The following PARD3 variants were observed in gnomAD, a reference collection of about 807,000 sequenced individuals.
PARD3 encodes partitioning defective 3 homolog.
A neutral mutation model predicts 155.4 loss-of-function variants in PARD3; 75 were observed. The observed-to-expected ratio is 0.48, with a 90% CI of 0.40 to 0.58. The LOEUF is 0.58. Ranked by LOEUF, PARD3 falls within the 20% of genes least tolerant of loss-of-function variation. PARD3 has a pLI of 0.00. For missense variants in PARD3, 1,642 were observed against 1,721.7 expected, an observed-to-expected ratio of 0.95 and a Z score of 0.82; for synonymous variants, 576 against 610.5, an observed-to-expected ratio of 0.94 and a Z score of 0.83.
At chr10:34,161,528 G>A (rs539993579) in intron 22 of PARD3, among the ~76,000 whole-genome samples, 12 of 152,076 alleles carry the variant, frequency 7.9e-5, no homozygotes, top group Non-Finnish European at 1.2e-4. Context: ...GCCAAGACTG[G>A]TGGAAATCCC....
At chr10:34,460,280 G>A (rs1011900419) in intron 4 of PARD3, among the ~76,000 whole-genome samples, 27 of 152,124 alleles carry the variant, frequency 1.8e-4, no homozygotes, top group African/African-American at 4.8e-4. Context: ...TTTGAGTAAC[G>A]TCTATTGAAA....
intron 2 of PARD3, among the ~76,000 whole-genome samples, chr10:34,589,169 T>C (rs1389685652): frequency 1.3e-5 from 2 of 152,084 alleles, no homozygotes; most frequent in African/African-American, 4.8e-5. Flanking sequence ...TGAGTAGAAG[T>C]GAAATATTTT....
intron 22 of PARD3, among the ~76,000 whole-genome samples, chr10:34,226,894 A>T (rs55924133): frequency 6.6e-6 from 1 of 152,128 alleles, no homozygotes; most frequent in African/African-American, 2.4e-5. Context: ...AACTATTGAT[A>T]TATACAACAG....
At chr10:34,408,528 T>A (rs1844726519) in intron 5 of PARD3, among the ~76,000 whole-genome samples, 1 of 152,196 alleles carries the variant, frequency 6.6e-6, no homozygotes, top group African/African-American at 2.4e-5. Context: ...AAAGGGAATC[T>A]GTTTCCAAGT....
At chr10:34,319,091 T>C (rs1958209865) in intron 19 of PARD3, among the ~76,000 whole-genome samples, 1 of 148,272 alleles carries the variant, frequency 6.7e-6, no homozygotes, top group East Asian at 2.0e-4. Flanking sequence ...TTTTTTTTTT[T>C]TTTTTTTCTT....
intron 5 of PARD3, among the ~76,000 whole-genome samples, chr10:34,432,672 G>T (rs1184398461): frequency 2.0e-5 from 3 of 151,936 alleles, no homozygotes; most frequent in Non-Finnish European, 4.4e-5. Flanking sequence ...TTTTTATTAG[G>T]GACCACTTCC....
At chr10:34,325,065 A>G (rs1011988981) in intron 19 of PARD3, among the ~76,000 whole-genome samples, 5 of 152,030 alleles carry the variant, frequency 3.3e-5, no homozygotes, top group Non-Finnish European at 4.4e-5. Context: ...GCTGGAGTGT[A>G]GTGGCGTGAT....
chr10:34,503,916 A>G (rs2080875185), intron 3 of PARD3, among the ~76,000 whole-genome samples: 1 of 152,244 alleles, frequency 6.6e-6, no homozygotes, highest in Non-Finnish European at 1.5e-5. Context: ...TGCTCCTTTT[A>G]TAGAGTTATG....
intron 5 of PARD3, among the ~76,000 whole-genome samples, chr10:34,442,201 C>A (rs990261388): frequency 6.6e-6 from 1 of 152,152 alleles, no homozygotes; most frequent in African/African-American, 2.4e-5. Flanking sequence ...TTTGGATCCT[C>A]ATTGACTTCA....
intron 5 of PARD3, among the ~76,000 whole-genome samples, chr10:34,442,873 T>TAA (rs1439514273): frequency 1.3e-5 from 2 of 152,096 alleles, no homozygotes; most frequent in African/African-American, 4.8e-5. Context: ...CCCAGCCTCT[T>TAA]AAAGATTAAA....
At chr10:34,395,024 TAAAG>T (rs1335111147) in intron 7 of PARD3, among the ~76,000 whole-genome samples, 1 of 152,104 alleles carries the variant, frequency 6.6e-6, no homozygotes, top group Non-Finnish European at 1.5e-5. Context: ...GTGGTTTAAA[TAAAG>T]AGATTATCTT....
chr10:34,417,174 T>TTA (rs151194079), intron 5 of PARD3, among the ~76,000 whole-genome samples: 8,033 of 152,176 alleles, frequency 0.053, 704 homozygotes, highest in African/African-American at 0.18. Flanking sequence ...CTGACTTAAG[T>TTA]TATAACTCCA....
chr10:34,227,918 A>G (rs1409254963), intron 22 of PARD3, among the ~76,000 whole-genome samples: 1 of 133,702 alleles, frequency 7.5e-6, no homozygotes, highest in African/African-American at 2.8e-5. Flanking sequence ...AAATTTATAT[A>G]CCCAAAGGAA....
intron 21 of PARD3, among the ~76,000 whole-genome samples, chr10:34,279,463 G>A (rs1956061480): frequency 6.6e-6 from 1 of 152,096 alleles, no homozygotes; most frequent in East Asian, 1.9e-4. Flanking sequence ...AAGGATTCAC[G>A]AGGTCAAAGA....
intron 1 of PARD3, among the ~76,000 whole-genome samples, chr10:34,711,443 C>A (rs944538249): frequency 1.3e-5 from 2 of 152,144 alleles, no homozygotes; most frequent in Admixed American, 1.3e-4. Flanking sequence ...ATCCCTTGAA[C>A]CCAGGAGGTG....
Position 34,155,617 on chromosome 10 carries a change from TCA to T in PARD3, c.3420-24036_3420-24035del, listed in dbSNP as rs967865566. Among the ~76,000 whole-genome samples, 82 of 152,120 alleles carry T rather than the reference TCA, an allele frequency of 5.4e-4. 2 individuals carry two copies. The highest frequency in any genetic ancestry group is 2.0e-3 in the African/African-American group (81 of 41,534). ...ATGAACTTTTGGGCATTTTTGCTTTTCACAGCTTTTTTTTCTTTCATCATCTT... is the reference window on the plus strand; with the variant it reads ...ATGAACTTTTGGGCATTTTTGCTTTTCAGCTTTTTTTTCTTTCATCATCTT... On this transcript the variant is annotated intron_variant, in intron 22 of 24. Coordinates refer to ENST00000374788, the MANE Select transcript of PARD3 (RefSeq NM_001184785.2).
At position 34,722,361 on chromosome 10, in the gene PARD3, G is replaced by A. The variant is rs113950363; in HGVS notation, c.121-25942C>T. On this transcript the variant is annotated intron_variant, in intron 1 of 24. Coordinates refer to ENST00000374788, the MANE Select transcript of PARD3 (RefSeq NM_001184785.2). ...ACTCTTGCTATCTCCAGTGGTTATC[G>A]CCTGTACAGAAATCAAATTATAGTT... Among the ~76,000 whole-genome samples the A allele has an allele frequency of 5.5e-3, 834 of 152,126 alleles. 8 individuals carry two copies. The highest frequency in any genetic ancestry group is 0.019 in the African/African-American group (791 of 41,494).
intron 2 of PARD3, among the ~76,000 whole-genome samples, chr10:34,690,157 T>A (rs1373616093): frequency 6.6e-6 from 1 of 152,162 alleles, no homozygotes; most frequent in Non-Finnish European, 1.5e-5. Flanking sequence ...CTGGCCAGGC[T>A]CATCCTGATT....
intron 3 of PARD3, among the ~76,000 whole-genome samples, chr10:34,498,708 C>T (rs1330542862): frequency 6.6e-6 from 1 of 152,086 alleles, no homozygotes; most frequent in Non-Finnish European, 1.5e-5. Flanking sequence ...ACCCAGGAGG[C>T]GGAGGTTACA....
Sources: allele counts gnomAD v4.1 joint callset (sites outside exome capture counted in the v4.1 genomes callset), GRCh38; gene constraint gnomAD v4.1.1; transcripts MANE v1.5; gene names NCBI Gene and HGNC (gene_info 2026-07-23, HGNC 2026-07-21).